Variants in FAM220A observed in about 807,000 individuals in gnomAD.
FAM220A encodes the protein protein FAM220A.
For synonymous variants in FAM220A, 141 were observed against 130.7 expected, an observed-to-expected ratio of 1.08 and a Z score of -0.54; for missense variants, 392 against 321.6, an observed-to-expected ratio of 1.22 and a Z score of -1.68.
At chr7:6,338,958 A>AC (rs1781798561) in intron 1 of FAM220A, among the ~76,000 whole-genome samples, 3 of 151,972 alleles carry the variant, frequency 2.0e-5, no homozygotes, top group Admixed American at 2.0e-4. Flanking sequence ...CCAGCTCCAC[A>AC]CCCCTCAGGT....
At chr7:6,344,409 G>A (rs2115149049) in intron 1 of FAM220A, among the ~76,000 whole-genome samples, 2 of 152,196 alleles carry the variant, frequency 1.3e-5, no homozygotes, top group East Asian at 3.9e-4. Flanking sequence ...TCAAGCCCAA[G>A]CCTACAATCT....
chr7:6,331,699 G>T lies in FAM220A; in HGVS notation c.-81-464C>A, dbSNP rs191005141. On this transcript the variant is annotated intron_variant, in intron 1 of 1. Coordinates refer to ENST00000313324, the MANE Select transcript of FAM220A (RefSeq NM_001037163.2). ...CCGGCCTAGTGGAGAACATTTCGTG[G>T]GCTTAGTTCCCCACCCTCAAATTAG... Among the ~76,000 whole-genome samples, 345 of 151,376 alleles carry T rather than the reference G, an allele frequency of 2.3e-3. 1 individual carries two copies. The highest frequency in any genetic ancestry group is 8.0e-3 in the African/African-American group (331 of 41,274).
At chr7:6,335,431 G>A (rs148199269) in intron 1 of FAM220A, among the ~76,000 whole-genome samples, 147 of 151,084 alleles carry the variant, frequency 9.7e-4, no homozygotes, top group African/African-American at 3.4e-3. Flanking sequence ...GTTTCGCTAT[G>A]TTGCCAGGCT....
rs200129623 is a variant in FAM220A, at chr7:6,331,086, C to T, written c.69G>A (p.Ser23=). 44 of 1,613,506 alleles carry T rather than the reference C, an allele frequency of 2.7e-5. No individual in the cohort carries two copies. The highest frequency in any genetic ancestry group is 8.9e-5 in the East Asian group (4 of 44,876). ...TCTTAAGGCTGCATGATAGTTTGTC[C>T]GAGTCACCTCCTCCGGCCTGCTGCA... The part of the protein sequence containing the change: ...AQVQQAGGGD[S]DKLSCSLKKR... The change falls in exon 2 of 2, where the codon TCG becomes TCA. Residue 23 remains serine (S), a synonymous_variant. Transcript: ENST00000313324.
chr7:6,345,100 G>T (rs2115150108), intron 1 of FAM220A, among the ~76,000 whole-genome samples: 1 of 151,014 alleles, frequency 6.6e-6, no homozygotes, highest in Non-Finnish European at 1.5e-5. Context: ...AGATTTATGG[G>T]AGGTTATGTG....
chr7:6,342,136 T>A (rs1562448328), intron 1 of FAM220A, among the ~76,000 whole-genome samples: 1 of 152,126 alleles, frequency 6.6e-6, no homozygotes, highest in South Asian at 2.1e-4. Flanking sequence ...TGGTATTAGG[T>A]TGGTATACCA....
intron 1 of FAM220A, among the ~76,000 whole-genome samples, chr7:6,347,759 T>C (rs930219208): frequency 5.3e-5 from 8 of 151,776 alleles, no homozygotes; most frequent in African/African-American, 1.9e-4. Flanking sequence ...AAGGATAACA[T>C]AAAACGTCTA....
chr7:6,345,693 C>T (rs529807839), intron 1 of FAM220A, among the ~76,000 whole-genome samples: 68 of 152,150 alleles, frequency 4.5e-4, no homozygotes, highest in African/African-American at 1.6e-3. Context: ...AGTACAGGAG[C>T]CAAATACAGC....
chr7:6,334,107 A>G (rs1363818562), intron 1 of FAM220A, among the ~76,000 whole-genome samples: 2 of 151,192 alleles, frequency 1.3e-5, no homozygotes, highest in Non-Finnish European at 2.9e-5. Context: ...TGGCCTCCCA[A>G]AGTGCTGGGA....
intron 1 of FAM220A, among the ~76,000 whole-genome samples, chr7:6,343,097 C>T (rs918986472): frequency 2.6e-5 from 4 of 150,978 alleles, no homozygotes; most frequent in African/African-American, 9.7e-5. Context: ...AAAAAATTGG[C>T]CAGGTGCAGT....
At chr7:6,348,538 G>T in intron 1 of FAM220A, 35 bp downstream of exon 1, 1 of 420,980 alleles carries the variant, frequency 2.4e-6, no homozygotes, top group Non-Finnish European at 4.2e-6. Flanking sequence ...GGCGCTCGGG[G>T]AGGGCCGGGG....
Position 6,330,900 on chromosome 7 carries a change from A to G in FAM220A, c.255T>C (p.Tyr85=). 6.2e-7 allele frequency: 1 copy of G among 1,614,150 alleles called. No individual in the cohort carries two copies. The highest frequency in any genetic ancestry group is 8.5e-7 in the Non-Finnish European group (1 of 1,180,032). The stretch of plus-strand genomic sequence containing the variant: ...GATTTCTTCTTACTGATTCTCTCAC[A>G]TATGGAAGCACTGGGCCGCCACTGT... ...WLHSGGPVLP[Y]VRESVRRNPA... is the part of the protein sequence containing the mutation. Residue 85 remains tyrosine (Y), a synonymous_variant, in exon 2 of 2, where the codon TAT becomes TAC. Coordinates refer to ENST00000313324, the MANE Select transcript of FAM220A (RefSeq NM_001037163.2).
At chr7:6,339,335 G>A (rs1016347305) in intron 1 of FAM220A, among the ~76,000 whole-genome samples, 8 of 152,016 alleles carry the variant, frequency 5.3e-5, no homozygotes, top group Non-Finnish European at 2.9e-5. Context: ...TGGGTGTGGT[G>A]CACACACCTG....
rs751104962 is a variant in FAM220A at position 6,331,051 on chromosome 7, G to T, written c.104C>A (p.Pro35Gln). 4.3e-6 allele frequency: 7 copies of T among 1,613,700 alleles called. No individual in the cohort carries two copies. Among genetic ancestry groups the T allele is most frequent in the Non-Finnish European group, 5.1e-6 (6 of 1,180,048 alleles). ...KLSCSLKKRMPEGPWPADAPS... is the reference protein window; with the variant it reads ...KLSCSLKKRMQEGPWPADAPS... ...TGCATCTGCAGGCCAAGGGCCCTCC[G>T]GCATTCTTTTCTTAAGGCTGCATGA... The change falls in exon 2 of 2, where the codon CCG (proline) becomes CAG (glutamine). Residue 35 changes from proline to glutamine, a missense_variant. Transcript: ENST00000313324.
At position 6,330,855 on chromosome 7, in the gene FAM220A, C is replaced by T. The variant is rs762157954; in HGVS notation, c.300G>A (p.Pro100=). ...VRRNPASAAT[P]STAVGLFPAP... ...CAGGGAACAAACCCACGGCTGTGCTCGGAGTGGCTGCTGAGGCTGGATTTC... is the reference window on the plus strand; with the variant it reads ...CAGGGAACAAACCCACGGCTGTGCTTGGAGTGGCTGCTGAGGCTGGATTTC... Residue 100 remains proline, a synonymous_variant, in exon 2 of 2, where the codon CCG becomes CCA. Coordinates refer to ENST00000313324, the MANE Select transcript of FAM220A (RefSeq NM_001037163.2). 1.2e-5 allele frequency: 19 copies of T among 1,614,072 alleles called. No homozygotes were observed. Among genetic ancestry groups the T allele is most frequent in the African/African-American group, 2.7e-5 (2 of 74,930 alleles).
At chr7:6,336,932 G>T (rs1781759941) in intron 1 of FAM220A, among the ~76,000 whole-genome samples, 1 of 152,130 alleles carries the variant, frequency 6.6e-6, no homozygotes, top group African/African-American at 2.4e-5. Context: ...GGAATTACAG[G>T]CGTGAGCCAC....
rs1781607695 is a variant in FAM220A at position 6,330,488 on chromosome 7, G to A, written c.667C>T (p.Gln223Ter). The change falls in exon 2 of 2, where the codon CAA becomes TAA. Residue 223 changes from glutamine to a stop codon, truncating the protein, a stop_gained. Transcript: ENST00000313324. LOFTEE classifies it low-confidence loss of function (END_TRUNC). Reference sequence around the variant, plus strand: ...AGCATTTTCTTGAATTCTATTGTTTGCTTTGAAAACATGGGCTTTAAACGG... The same window carrying A: ...AGCATTTTCTTGAATTCTATTGTTTACTTTGAAAACATGGGCTTTAAACGG... ...LDRLKPMFSK[Q>*]TIEFKKMLKS... The A allele has an allele frequency of 1.2e-6, 2 of 1,614,006 alleles. No individual in the cohort carries two copies. Among genetic ancestry groups the A allele is most frequent in the Non-Finnish European group, 8.5e-7 (1 of 1,180,034 alleles).
rs920419406 is a variant in FAM220A at position 6,348,823 on chromosome 7, G to A, written c.-332C>T. ...TCCGCGCCGCGTCGCCCCGGCAGCT[G>A]ACCCTCGCCTGGCGTGCTCAGGGAG... On this transcript the variant is annotated 5_prime_UTR_variant, in exon 1 of 2. Coordinates refer to ENST00000313324, the MANE Select transcript of FAM220A (RefSeq NM_001037163.2). 1 of 394,914 alleles carries A rather than the reference G, an allele frequency of 2.5e-6. No homozygotes were observed. Among genetic ancestry groups the A allele is most frequent in the Non-Finnish European group, 4.5e-6 (1 of 223,770 alleles). The allele number at this position is 394,914 out of a possible 1,614,324, so 24.5% of individuals were successfully genotyped here. A position where few individuals can be genotyped will look rare whatever the true frequency, so the allele number is the denominator to read the frequency against.
intron 1 of FAM220A, among the ~76,000 whole-genome samples, chr7:6,331,994 C>G (rs1236644407): frequency 6.6e-6 from 1 of 151,582 alleles, no homozygotes; most frequent in Non-Finnish European, 1.5e-5. Context: ...TGTCTGTAAT[C>G]CCAGCTAGTT....
Sources: allele counts gnomAD v4.1 joint callset (sites outside exome capture counted in the v4.1 genomes callset), GRCh38; gene constraint gnomAD v4.1.1; transcripts MANE v1.5; gene names NCBI Gene and HGNC (gene_info 2026-07-23, HGNC 2026-07-21).